The following ABCC4 variants were observed in gnomAD, a reference collection of about 807,000 sequenced individuals.
The protein encoded by ABCC4 is ATP-binding cassette sub-family C member 4.
Under a neutral mutation model 168.5 loss-of-function variants are expected in ABCC4, and 102 were observed. That is an observed-to-expected ratio of 0.61 (90% CI 0.52 to 0.71). The LOEUF is 0.71. ABCC4 is among the 30% of genes least tolerant of loss of function. The probability of loss-of-function intolerance (pLI) is 0.00; values close to 1 mark genes in which losing one functional copy is unlikely to be tolerated. For synonymous variants in ABCC4, 617 were observed against 590.7 expected (o/e 1.04, Z -0.65); for missense variants, 1,402 against 1,605.8 (o/e 0.87, Z 2.17).
At chr13:95,039,534 G>A (rs1593988355) in intron 29 of ABCC4, among the ~76,000 whole-genome samples, 2 of 152,226 alleles carry the variant, frequency 1.3e-5, no homozygotes, top group East Asian at 3.9e-4. Context: ...TGTAAACTAA[G>A]CCATGCATTG....
chr13:95,235,717 A>G (rs2039747373), intron 3 of ABCC4, among the ~76,000 whole-genome samples: 1 of 83,756 alleles, frequency 1.2e-5, no homozygotes, highest in Non-Finnish European at 3.3e-5. Flanking sequence ...GGAGTGGGGA[A>G]AAGAACCAGA....
chr13:95,148,636 A>G (rs1423118873), intron 19 of ABCC4, among the ~76,000 whole-genome samples: 1 of 147,550 alleles, frequency 6.8e-6, no homozygotes, highest in East Asian at 2.0e-4. Context: ...ACACACACAC[A>G]CAATCAATGC....
At chr13:95,162,244 G>A (rs2037121563) in intron 18 of ABCC4, among the ~76,000 whole-genome samples, 1 of 152,054 alleles carries the variant, frequency 6.6e-6, no homozygotes, top group African/African-American at 2.4e-5. Flanking sequence ...TCCATCAGTT[G>A]GAAGGTAAAC....
At chr13:95,275,446 C>T (rs940406666) in intron 1 of ABCC4, among the ~76,000 whole-genome samples, 2 of 152,190 alleles carry the variant, frequency 1.3e-5, no homozygotes, top group Non-Finnish European at 2.9e-5. Context: ...ACAAAACACA[C>T]AAAGCCCTTG....
intron 19 of ABCC4, among the ~76,000 whole-genome samples, chr13:95,147,757 T>C (rs1206920458): frequency 6.6e-6 from 1 of 152,222 alleles, no homozygotes; most frequent in Non-Finnish European, 1.5e-5. Flanking sequence ...ATAGAACTTA[T>C]TTTACAAAAT....
intron 20 of ABCC4, among the ~76,000 whole-genome samples, chr13:95,115,554 A>G (rs2035345777): frequency 6.6e-6 from 1 of 150,702 alleles, no homozygotes; most frequent in Admixed American, 6.6e-5. Flanking sequence ...AATACAATGC[A>G]TAATTTAGTT....
Position 95,206,546 on chromosome 13 carries a change from T to C in ABCC4, c.1147A>G (p.Ile383Val), listed in dbSNP as rs764503927. 1.2e-6 allele frequency: 2 copies of C among 1,613,796 alleles called. No homozygotes were observed. Among genetic ancestry groups the C allele is most frequent in the Admixed American group, 1.7e-5 (1 of 60,026 alleles). The change falls in exon 8 of 31, where the codon ATC becomes GTC. Residue 383 changes from isoleucine to valine, a missense_variant. By Grantham distance (29) the Ile-to-Val change is conservative. Transcript: ENST00000645237. ...IERVSEAIVSIRRIQTFLLLD... is the reference protein window; with the variant it reads ...IERVSEAIVSVRRIQTFLLLD... ...CTGACACCAACCTGGATTCTTCGGA[T>C]GCTGACGATTGCCTCTGACACCCTC...
chr13:95,080,709 G>C (rs2034066574), intron 21 of ABCC4, among the ~76,000 whole-genome samples: 3 of 152,206 alleles, frequency 2.0e-5, no homozygotes, highest in African/African-American at 7.2e-5. Flanking sequence ...TCGACCTCAA[G>C]TGATCCACCC....
chr13:95,167,673 T>G (rs773211096), intron 14 of ABCC4, among the ~76,000 whole-genome samples: 2 of 152,188 alleles, frequency 1.3e-5, no homozygotes, highest in Non-Finnish European at 2.9e-5. Flanking sequence ...ACTTTTCACA[T>G]AGTATCTGTA....
chr13:95,124,731 A>AG (rs2035694974), intron 19 of ABCC4, among the ~76,000 whole-genome samples: 1 of 148,088 alleles, frequency 6.8e-6, no homozygotes, highest in Non-Finnish European at 1.5e-5. Context: ...AAAAAAAAAA[A>AG]AAAGCCAGAC....
At position 95,207,929 on chromosome 13, in the gene ABCC4, A is replaced by C. The variant is rs1254557119; in HGVS notation, c.786-4T>G. The C allele has an allele frequency of 6.2e-7, 1 of 1,612,944 alleles. No homozygotes were observed. The highest frequency in any genetic ancestry group is 1.7e-5 in the Admixed American group (1 of 59,558). ...CGTGAAAGTTGCAGTTTTACTCCTAAGGGGAACCAGACACGGGAGATGAGC... is the reference window on the plus strand; with the variant it reads ...CGTGAAAGTTGCAGTTTTACTCCTACGGGGAACCAGACACGGGAGATGAGC... On this transcript the variant is annotated splice_region_variant and splice_polypyrimidine_tract_variant and intron_variant, in intron 6 of 30. Transcript: ENST00000645237.
intron 19 of ABCC4, among the ~76,000 whole-genome samples, chr13:95,139,627 C>T (rs777880377): frequency 4.6e-5 from 7 of 152,174 alleles, no homozygotes; most frequent in South Asian, 2.1e-4. Flanking sequence ...GCAGGATCTA[C>T]GGACATTGTT....
In ABCC4 at chr13:95,276,998, G is replaced by A. The variant is rs932131787; in HGVS notation, c.74+24243C>T. On this transcript the variant is annotated intron_variant, in intron 1 of 30. Coordinates refer to ENST00000645237, the MANE Select transcript of ABCC4 (RefSeq NM_005845.5). ...CGCACCACTGCACTCCAGACTGGGC[G>A]ACAGAGCGAGACTCAGTCTCAAAAA... 2.6e-5 allele frequency among the ~76,000 whole-genome samples: 4 copies of A among 152,172 alleles called. No individual in the cohort carries two copies. In the South Asian group the frequency reaches 6.2e-4, roughly 24 times the overall value.
At chr13:95,032,736 T>C (rs2031937137) in intron 30 of ABCC4, among the ~76,000 whole-genome samples, 1 of 151,896 alleles carries the variant, frequency 6.6e-6, no homozygotes, top group South Asian at 2.1e-4. Flanking sequence ...CCATCTCAGC[T>C]CACTGCAACC....
intron 1 of ABCC4, among the ~76,000 whole-genome samples, chr13:95,263,196 T>TGATTAATTATA (rs1385961395): frequency 1.3e-5 from 2 of 152,116 alleles, no homozygotes; most frequent in Non-Finnish European, 2.9e-5. Flanking sequence ...TCAAGGTTAA[T>TGATTAATTATA]GATTAATTAT....
intron 1 of ABCC4, among the ~76,000 whole-genome samples, chr13:95,279,635 G>C (rs1215922260): frequency 6.6e-6 from 1 of 152,164 alleles, no homozygotes; most frequent in Non-Finnish European, 1.5e-5. Context: ...GCGAGGCAAG[G>C]CCCTCCTGAA....
At chr13:95,272,094 G>A (rs2040862064) in intron 1 of ABCC4, among the ~76,000 whole-genome samples, 2 of 151,602 alleles carry the variant, frequency 1.3e-5, no homozygotes, top group African/African-American at 4.9e-5. Context: ...GCCCAGGCTG[G>A]GGTGCAATGG....
intron 1 of ABCC4, among the ~76,000 whole-genome samples, chr13:95,289,390 G>A (rs141850462): frequency 0.026 from 3,961 of 152,292 alleles, 79 homozygotes; most frequent in Non-Finnish European, 0.041. Flanking sequence ...GAATTTGTCA[G>A]ACTTGACTCA....
chr13:95,144,284 C>T (rs940617266), intron 19 of ABCC4, among the ~76,000 whole-genome samples: 18 of 93,934 alleles, frequency 1.9e-4, no homozygotes, highest in South Asian at 3.3e-4. Flanking sequence ...TAGGAATGGG[C>T]GACATAACTT....
Sources: allele counts gnomAD v4.1 joint callset (sites outside exome capture counted in the v4.1 genomes callset), GRCh38; gene constraint gnomAD v4.1.1; transcripts MANE v1.5; gene names NCBI Gene and HGNC (gene_info 2026-07-23, HGNC 2026-07-21).